ARID3C: variants seen among roughly 807,000 people sequenced by gnomAD.
The protein encoded by ARID3C is AT-rich interaction domain 3C.
ARID3C carries 42 observed loss-of-function variants against 37.9 expected under a neutral mutation model. The ratio of observed to expected loss-of-function variants is 1.11; its 90% confidence interval spans 0.87 to 1.43. ARID3C has a LOEUF of 1.43. Ranked by LOEUF, ARID3C falls within the 40% of genes most tolerant of loss-of-function variation. ARID3C has a pLI of 0.00. For missense variants in ARID3C, 581 were observed against 548.8 expected (o/e 1.06, Z -0.59); for synonymous variants, 213 against 228.0 (o/e 0.93, Z 0.59).
intron 4 of ARID3C, 131 bp from the exon 6 acceptor site, chr9:34,622,660 T>A: frequency 1.1e-6 from 1 of 947,266 alleles, no homozygotes; most frequent in Non-Finnish European, 1.5e-6. Context: ...TCGATCTATC[T>A]TCCCATCCAG....
chr9:34,624,439 C>A (rs1028796468), intron 2 of ARID3C, among the ~76,000 whole-genome samples: 1 of 152,210 alleles, frequency 6.6e-6, no homozygotes, highest in African/African-American at 2.4e-5. Flanking sequence ...AAGTAAAAAC[C>A]ATTCTTATCT....
rs758362414 is a variant in ARID3C, at chr9:34,627,575, C to G, written c.318+122G>C. The G allele has an allele frequency of 4.3e-5, 37 of 865,416 alleles. No individual in the cohort carries two copies. The Middle Eastern group carries it at 6.9e-4, about 16-fold the overall frequency. 53.6% of individuals were successfully genotyped at this position (865,416 alleles called of 1,614,324 possible). A position where few individuals can be genotyped will look rare whatever the true frequency, so the allele number is the denominator to read the frequency against. On this transcript the variant is annotated intron_variant, in intron 1 of 6. Coordinates refer to ENST00000378909, the Ensembl canonical transcript of ARID3C. ...TGTCTTTCTATAGGTCTCCGTGTCTCTGTGTCTCTTTTCATCTTGCAGAGG... is the reference window on the plus strand; with the variant it reads ...TGTCTTTCTATAGGTCTCCGTGTCTGTGTGTCTCTTTTCATCTTGCAGAGG...
intron 4 of ARID3C, among the ~76,000 whole-genome samples, chr9:34,622,766 A>C (rs1820593322): frequency 6.6e-6 from 1 of 152,204 alleles, no homozygotes; most frequent in South Asian, 2.1e-4. Flanking sequence ...GCTGTTGGTT[A>C]TTAAATAATC....
At chr9:34,624,592 G>A (rs1345627136) in intron 2 of ARID3C, among the ~76,000 whole-genome samples, 1 of 152,182 alleles carries the variant, frequency 6.6e-6, no homozygotes, top group African/African-American at 2.4e-5. Flanking sequence ...GGGGATGACG[G>A]GCGGGAAAAG....
chr9:34,625,856 C>T (rs753861908), intron 1 of ARID3C, 42 bp from the exon 3 acceptor site: 3 of 1,606,470 alleles, frequency 1.9e-6, no homozygotes, highest in East Asian at 2.2e-5. Flanking sequence ...TGCTGACTCC[C>T]CCTCCCTCCC....
At chr9:34,630,478 G>A (rs1439340508), upstream of ARID3C, among the ~76,000 whole-genome samples, 1 of 152,152 alleles carries the variant, frequency 6.6e-6, no homozygotes, top group East Asian at 1.9e-4. Context: ...ACTTGGCATA[G>A]GTATGAAACT....
chr9:34,624,221 G>GGC (rs1820624571), intron 2 of ARID3C, among the ~76,000 whole-genome samples, 174 bp from the exon 4 acceptor site: 3 of 151,840 alleles, frequency 2.0e-5, no homozygotes, highest in African/African-American at 7.2e-5. Flanking sequence ...GGCTAGAACG[G>GGC]GGGGGGGCAA....
chr9:34,623,596 T>A (rs369136182), exon 4 of ARID3C: 1 of 1,608,290 alleles, frequency 6.2e-7, no homozygotes, highest in Non-Finnish European at 8.5e-7. Context: ...AAGAGCGGAG[T>A]AGCGGTGTAA....
chr9:34,625,812 C>T (rs769265001), exon 2 of ARID3C: 4 of 1,613,958 alleles, frequency 2.5e-6, no homozygotes, highest in Middle Eastern at 1.7e-4. Flanking sequence ...CGAGCTCATA[C>T]AGCTGGGGAA....
At chr9:34,628,207 C>G, upstream of ARID3C, 1 of 708,946 alleles carries the variant, frequency 1.4e-6, no homozygotes, top group South Asian at 2.7e-5. The surrounding 1 kb of genome is among the most constrained non-coding windows in gnomAD (Gnocchi z 5.2). Context: ...AGAAAGATGG[C>G]TTTCCCAGAG....
chr9:34,621,051 G>C (rs981526909), downstream of ARID3C, among the ~76,000 whole-genome samples: 4 of 152,210 alleles, frequency 2.6e-5, no homozygotes, highest in African/African-American at 9.6e-5. Context: ...GCATCAGAGA[G>C]GGAGGGACCG....
Position 34,622,018 on chromosome 9 carries a change from A to T in ARID3C, c.1138+2T>A. ...AGTGTAGACAGCCTGCAGTACCCATACCAGTGTAGACCACCCCGTTGATCT... is the reference window on the plus strand; with the variant it reads ...AGTGTAGACAGCCTGCAGTACCCATTCCAGTGTAGACCACCCCGTTGATCT... On this transcript the variant is annotated splice_donor_variant, in intron 6 of 6. Coordinates refer to ENST00000378909, the Ensembl canonical transcript of ARID3C. LOFTEE classifies it high-confidence loss of function. 3 of 1,613,922 alleles carry T rather than the reference A, an allele frequency of 1.9e-6. No individual in the cohort carries two copies. The highest frequency in any genetic ancestry group is 2.5e-6 in the Non-Finnish European group (3 of 1,179,874).
chr9:34,624,196 G>T, intron 2 of ARID3C, 149 bp from the exon 4 acceptor site: 1 of 815,022 alleles, frequency 1.2e-6, no homozygotes, highest in Non-Finnish European at 1.8e-6. Context: ...CTCTGTTTTA[G>T]CAAGAAGGAC....
At chr9:34,626,755 C>A (rs906203834) in intron 1 of ARID3C, among the ~76,000 whole-genome samples, 2 of 152,058 alleles carry the variant, frequency 1.3e-5, no homozygotes, top group East Asian at 3.8e-4. Flanking sequence ...CAAGTAATAA[C>A]CCCTAGAATT....
At chr9:34,631,506 T>A (rs1820722932), upstream of ARID3C, among the ~76,000 whole-genome samples, 1 of 152,112 alleles carries the variant, frequency 6.6e-6, no homozygotes, top group African/African-American at 2.4e-5. Context: ...ATCCAACACA[T>A]ATTTATTATC....
chr9:34,626,054 T>TGGG lies in ARID3C; in HGVS notation c.319-243_319-241dup, dbSNP rs1301332546. On this transcript the variant is annotated intron_variant, in intron 1 of 6. Transcript: ENST00000378909. ...CCCTGGGCCATTCAAACCACCCATC[T>TGGG]GGGGAGTAAGGGAAGAGAGGAACAG... Among the ~76,000 whole-genome samples, 3 of 152,314 alleles carry TGGG rather than the reference T, an allele frequency of 2.0e-5. No homozygotes were observed. In the East Asian group the frequency reaches 5.8e-4, roughly 29 times the overall value.
chr9:34,622,665 A>C, intron 4 of ARID3C, 136 bp from the exon 6 acceptor site: 1 of 898,552 alleles, frequency 1.1e-6, no homozygotes, highest in Non-Finnish European at 1.6e-6. Flanking sequence ...CTATCTTCCC[A>C]TCCAGAGCCT....
intron 1 of ARID3C, among the ~76,000 whole-genome samples, chr9:34,626,090 G>A (rs1820650975): frequency 6.6e-6 from 1 of 152,218 alleles, no homozygotes; most frequent in South Asian, 2.1e-4. Context: ...GATGGAGCTT[G>A]GAGGCTCAGC....
chr9:34,623,704 A>T, exon 4 of ARID3C: 1 of 1,547,626 alleles, frequency 6.5e-7, no homozygotes, highest in Non-Finnish European at 8.7e-7. Context: ...GGGTACAGGT[A>T]CTTCATGTAC....
Sources: allele counts gnomAD v4.1 joint callset (sites outside exome capture counted in the v4.1 genomes callset), GRCh38; gene constraint gnomAD v4.1.1; non-coding constraint Gnocchi (gnomAD v3.1); transcripts MANE v1.5; gene names NCBI Gene and HGNC (gene_info 2026-07-23, HGNC 2026-07-21).